MYRIP: variants seen among roughly 807,000 people sequenced by gnomAD.
The protein encoded by MYRIP is rab effector MyRIP.
MYRIP carries 49 observed loss-of-function variants against 98.0 expected under a neutral mutation model. That is an observed-to-expected ratio of 0.50 (90% confidence interval 0.40 to 0.63). The LOEUF is 0.63. MYRIP is among the 30% of genes least tolerant of loss of function. The probability of loss-of-function intolerance (pLI) is 0.00; values close to 1 mark genes in which losing one functional copy is unlikely to be tolerated. For missense variants in MYRIP, 1,004 were observed against 1,058.2 expected, an observed-to-expected ratio of 0.95 and a Z score of 0.71; for synonymous variants, 404 against 409.5, an observed-to-expected ratio of 0.99 and a Z score of 0.16.
chr3:40,100,335 A>G, intron 3 of MYRIP: 3 of 906,276 alleles, frequency 3.3e-6, no homozygotes, highest in Non-Finnish European at 4.0e-6. Flanking sequence ...CCTTTATTAT[A>G]CATTGCCTGA....
intron 16 of MYRIP, among the ~76,000 whole-genome samples, chr3:40,254,616 G>A (rs1356854202): frequency 6.6e-6 from 1 of 152,108 alleles, no homozygotes; most frequent in Non-Finnish European, 1.5e-5. Flanking sequence ...GCAAAATATG[G>A]GGGAGGCATA....
intron 3 of MYRIP, among the ~76,000 whole-genome samples, chr3:40,093,733 T>C (rs1447014758): frequency 6.6e-6 from 1 of 152,182 alleles, no homozygotes; most frequent in African/African-American, 2.4e-5. Context: ...AGTTTACTTC[T>C]CTCCCAGTGT....
At chr3:40,127,379 T>C (rs1949545883) in intron 3 of MYRIP, among the ~76,000 whole-genome samples, 2 of 152,198 alleles carry the variant, frequency 1.3e-5, no homozygotes, top group Non-Finnish European at 2.9e-5. Flanking sequence ...AATGGTAAAG[T>C]GCAGTCTGAC....
At chr3:40,145,656 C>T (rs1949992695) in intron 3 of MYRIP, among the ~76,000 whole-genome samples, 1 of 152,224 alleles carries the variant, frequency 6.6e-6, no homozygotes, top group Non-Finnish European at 1.5e-5. Context: ...GAAAAAGTCA[C>T]ATCTTTGAAC....
intron 1 of MYRIP, among the ~76,000 whole-genome samples, chr3:39,867,390 T>C (rs1237556060): frequency 2.6e-5 from 4 of 152,164 alleles, no homozygotes; most frequent in Non-Finnish European, 5.9e-5. Flanking sequence ...TTCTACAGAA[T>C]AGGAGAAAAT....
chr3:40,196,863 C>G (rs966524050), intron 10 of MYRIP, among the ~76,000 whole-genome samples: 1 of 152,156 alleles, frequency 6.6e-6, no homozygotes, highest in South Asian at 2.1e-4. Context: ...GTGAGGGACT[C>G]ATGTTAGGAG....
intron 1 of MYRIP, among the ~76,000 whole-genome samples, chr3:39,835,058 T>C (rs1941580037): frequency 6.6e-6 from 1 of 152,128 alleles, no homozygotes; most frequent in Non-Finnish European, 1.5e-5. Flanking sequence ...TAAGAATGGA[T>C]GAATTCCTTA....
intron 10 of MYRIP, among the ~76,000 whole-genome samples, chr3:40,194,190 G>A (rs143852864): frequency 3.1e-4 from 47 of 151,818 alleles, no homozygotes; most frequent in Non-Finnish European, 2.5e-4. Context: ...CTAATCCTTC[G>A]TAGTTTTCTA....
chr3:40,182,257 C>T lies in MYRIP; in HGVS notation c.911C>T (p.Ala304Val). The T allele has an allele frequency of 6.2e-7, 1 of 1,613,544 alleles. No homozygotes were observed. The highest frequency in any genetic ancestry group is 8.5e-7 in the Non-Finnish European group (1 of 1,179,742). ...QSAFSITGEE[A>V]LKTPPVEAPS... ...GCCTTCTCAATCACTGGAGAAGAAG[C>T]CCTGAAGACCCCTCCAGTGGAGGCT... The change falls in exon 9 of 17, where the codon GCC (alanine) becomes GTC (valine). Residue 304 changes from alanine to valine, a missense_variant. Coordinates refer to ENST00000302541, the MANE Select transcript of MYRIP (RefSeq NM_015460.4).
chr3:39,810,092 G>A (rs1940618253), intron 1 of MYRIP, among the ~76,000 whole-genome samples, 176 bp downstream of exon 1: 1 of 152,228 alleles, frequency 6.6e-6, no homozygotes, highest in African/African-American at 2.4e-5. Flanking sequence ...CAGCCTCTGC[G>A]GAGGGGCGAG....
intron 2 of MYRIP, among the ~76,000 whole-genome samples, chr3:39,944,263 T>C (rs1355615027): frequency 2.6e-5 from 4 of 152,176 alleles, no homozygotes; most frequent in Non-Finnish European, 5.9e-5. Flanking sequence ...TGAAATGGTA[T>C]ATATTTGAGG....
In MYRIP at chr3:39,846,014, AT is replaced by A. The variant is rs552844056; in HGVS notation, c.-31+36102del. Among the ~76,000 whole-genome samples, 226 of 152,316 alleles carry A rather than the reference AT, an allele frequency of 1.5e-3. 2 individuals are homozygous for A. The highest frequency in any genetic ancestry group is 5.0e-3 in the African/African-American group (207 of 41,566). Reference sequence around the variant, plus strand: ...TCTAGAACTTGCAGATCAAATATAAATTTTGTGCCTTCTAAATGAGTTACTA... The same window carrying A: ...TCTAGAACTTGCAGATCAAATATAAATTTGTGCCTTCTAAATGAGTTACTA... On this transcript the variant is annotated intron_variant, in intron 1 of 16. Coordinates refer to ENST00000302541, the MANE Select transcript of MYRIP (RefSeq NM_015460.4).
Position 39,876,416 on chromosome 3 carries a change from C to G in MYRIP, c.-30-24371C>G, listed in dbSNP as rs144559698. On this transcript the variant is annotated intron_variant, in intron 1 of 16. Transcript: ENST00000302541. ...TAGCTGGTTATTTTGCTCATTCGTT[C>G]ATGCAGTTTCTTCCTAGCCTCGATG... is the stretch of plus-strand genomic sequence containing the variant. 6.3e-3 allele frequency among the ~76,000 whole-genome samples: 965 copies of G among 152,208 alleles called. 14 individuals are homozygous for G. Among genetic ancestry groups the G allele is most frequent in the African/African-American group, 0.022 (899 of 41,530 alleles).
At chr3:40,075,194 G>A (rs1034884123) in intron 3 of MYRIP, among the ~76,000 whole-genome samples, 5 of 152,178 alleles carry the variant, frequency 3.3e-5, no homozygotes, top group African/African-American at 4.8e-5. Flanking sequence ...AAGATAAGTG[G>A]TGCAAACTTT....
At chr3:39,908,193 A>G (rs1943926880) in intron 2 of MYRIP, among the ~76,000 whole-genome samples, 4 of 152,182 alleles carry the variant, frequency 2.6e-5, no homozygotes, top group Non-Finnish European at 5.9e-5. Context: ...AGGCTGGGCC[A>G]GGGGAAGGAA....
At position 40,250,897 on chromosome 3, in the gene MYRIP, C is replaced by T. The variant is rs962520148; in HGVS notation, c.2428+398C>T. Among the ~76,000 whole-genome samples the T allele has an allele frequency of 8.5e-5, 13 of 152,340 alleles. No individual in the cohort carries two copies. In the South Asian group the frequency reaches 2.7e-3, roughly 32 times the overall value. Reference sequence around the variant, plus strand: ...GGATATTTGTTCTAAAACTCCCATCCATCTCTGGCTGAGAGTTACTTCTAG... The same window carrying T: ...GGATATTTGTTCTAAAACTCCCATCTATCTCTGGCTGAGAGTTACTTCTAG... On this transcript the variant is annotated intron_variant, in intron 15 of 16. Transcript: ENST00000302541.
intron 1 of MYRIP, among the ~76,000 whole-genome samples, chr3:39,850,531 T>G (rs114550612): frequency 6.6e-6 from 1 of 152,194 alleles, no homozygotes; most frequent in Non-Finnish European, 1.5e-5. Flanking sequence ...AAGTACCTGA[T>G]AGTAATTTGC....
At chr3:39,914,367 A>G (rs1253770380) in intron 2 of MYRIP, among the ~76,000 whole-genome samples, 1 of 152,100 alleles carries the variant, frequency 6.6e-6, no homozygotes, top group Non-Finnish European at 1.5e-5. Flanking sequence ...CTTCTGATCA[A>G]TCCATTAAAA....
At chr3:40,020,207 G>A (rs1364816111) in intron 2 of MYRIP, among the ~76,000 whole-genome samples, 4 of 152,060 alleles carry the variant, frequency 2.6e-5, no homozygotes, top group Non-Finnish European at 5.9e-5. Context: ...TGTGCTCAAT[G>A]TTTACCTCCC....
Sources: gnomAD v4.1 joint callset for allele counts (sites outside exome capture counted in the v4.1 genomes callset) on GRCh38, gnomAD v4.1.1 for gene constraint, MANE v1.5 for transcripts, NCBI Gene and HGNC (gene_info 2026-07-23, HGNC 2026-07-21) for gene names.